FREM2: variants seen among roughly 807,000 people sequenced by gnomAD.
The protein encoded by FREM2 is FRAS1-related extracellular matrix protein 2.
FREM2 carries 119 observed loss-of-function variants against 219.9 expected under a neutral mutation model. The observed-to-expected ratio is 0.54, with a 90% CI of 0.47 to 0.63. FREM2 has a LOEUF of 0.63. Ranked by LOEUF, FREM2 falls within the 30% of genes least tolerant of loss-of-function variation. The probability of loss-of-function intolerance (pLI) is 0.00; values close to 1 mark genes in which losing one functional copy is unlikely to be tolerated. For synonymous variants in FREM2, 1,562 were observed against 1,522.8 expected, an observed-to-expected ratio of 1.03 and a Z score of -0.60; for missense variants, 4,030 against 3,993.6, an observed-to-expected ratio of 1.01 and a Z score of -0.25.
intron 2 of FREM2, among the ~76,000 whole-genome samples, chr13:38,711,890 T>C (rs1269732825): frequency 6.6e-6 from 1 of 150,892 alleles, no homozygotes; most frequent in Non-Finnish European, 1.5e-5. Context: ...GCTTATCTTG[T>C]GGGTCTCTGG....
chr13:38,830,690 A>G (rs2137888022), intron 6 of FREM2, among the ~76,000 whole-genome samples: 1 of 152,224 alleles, frequency 6.6e-6, no homozygotes. Flanking sequence ...TTCCCAACCT[A>G]CTGCACACTC....
Position 38,690,430 on chromosome 13 carries a change from C to T in FREM2, c.3086C>T (p.Ala1029Val), listed in dbSNP as rs200459256. 24 of 1,614,134 alleles carry T rather than the reference C, an allele frequency of 1.5e-5. 1 individual carries two copies. The highest frequency in any genetic ancestry group is 3.3e-4 in the Middle Eastern group (2 of 6,062). Residue 1029 changes from alanine to valine, a missense_variant, in exon 1 of 24, where the codon GCG (alanine) becomes GTG (valine). This residue lies in a region of FREM2 where 3,102 missense variants were observed against 2,950.7 expected (regional missense o/e 1.05). Transcript: ENST00000280481. The part of the protein sequence containing the change: ...TSGEIGLLPK[A>V]DSFNLSLSDM... ...GGTGAGATAGGCCTATTGCCTAAAG[C>T]GGATTCTTTTAACCTGAGTCTGTCA...
Position 38,757,883 on chromosome 13 carries a change from C to T in FREM2, c.5264-6421C>T, listed in dbSNP as rs970627939. On this transcript the variant is annotated intron_variant, in intron 2 of 23. Coordinates refer to ENST00000280481, the MANE Select transcript of FREM2 (RefSeq NM_207361.6). ...GATTACAGGCATAAGCCACCACACCCGGTCCCATTCCTCTTTCTCTACATT... is the reference window on the plus strand; with the variant it reads ...GATTACAGGCATAAGCCACCACACCTGGTCCCATTCCTCTTTCTCTACATT... 4.6e-5 allele frequency among the ~76,000 whole-genome samples: 7 copies of T among 152,252 alleles called. No homozygotes were observed. In the South Asian group the frequency reaches 1.2e-3, roughly 27 times the overall value.
At position 38,689,086 on chromosome 13, in the gene FREM2, C is replaced by T; in HGVS notation, c.1742C>T (p.Pro581Leu). ...GAGGGTGAAACAGTGCCCATCCTGC[C>T]CCTTTCCCTGAGTGCAACTGACATG... ...LAEGETVPILPLSLSATDMDS... is the reference protein window; with the variant it reads ...LAEGETVPILLLSLSATDMDS... The change falls in exon 1 of 24, where the codon CCC becomes CTC. Residue 581 changes from proline to leucine, a missense_variant. By Grantham distance (98) the Pro-to-Leu change is moderately conservative (BLOSUM62 -3). This residue lies in a region of FREM2 where 3,102 missense variants were observed against 2,950.7 expected (regional missense o/e 1.05). Transcript: ENST00000280481. 1 of 1,614,016 alleles carries T rather than the reference C, an allele frequency of 6.2e-7. No individual in the cohort carries two copies. Among genetic ancestry groups the T allele is most frequent in the East Asian group, 2.2e-5 (1 of 44,864 alleles).
rs151152504 is a variant in FREM2 at position 38,885,291 on chromosome 13, G to A, written c.*4504G>A. On this transcript the variant is annotated 3_prime_UTR_variant, in exon 24 of 24. Coordinates refer to ENST00000280481, the MANE Select transcript of FREM2 (RefSeq NM_207361.6). ...GTCTTTCTTAATTTTATTTTATTAG[G>A]AGAAAAATCAGAATATTAAATTTGC... 6.6e-6 allele frequency: 1 copy of A among 152,132 alleles called. No individual in the cohort carries two copies. The highest frequency in any genetic ancestry group is 2.4e-5 in the African/African-American group (1 of 41,528). The allele number at this position is 152,132 out of a possible 1,614,324, so 9.4% of individuals were successfully genotyped here. A position where few individuals can be genotyped will look rare whatever the true frequency, so the allele number is the denominator to read the frequency against.
intron 6 of FREM2, among the ~76,000 whole-genome samples, chr13:38,835,538 T>C (rs1339819937): frequency 6.6e-6 from 1 of 152,268 alleles, no homozygotes; most frequent in Non-Finnish European, 1.5e-5. Flanking sequence ...CTTTGGGCAG[T>C]ATGCCCATTT....
chr13:38,723,786 G>A (rs1205250431), intron 2 of FREM2, among the ~76,000 whole-genome samples: 1 of 152,132 alleles, frequency 6.6e-6, no homozygotes, highest in Non-Finnish European at 1.5e-5. Flanking sequence ...TCCTGTAGAG[G>A]TGGAATCTAG....
At chr13:38,856,402 T>A (rs943688678) in intron 12 of FREM2, 146 bp downstream of exon 12, 1 of 722,630 alleles carries the variant, frequency 1.4e-6, no homozygotes, top group African/African-American at 1.8e-5. Flanking sequence ...TTTTACCACC[T>A]AAATGTGTTT....
intron 2 of FREM2, among the ~76,000 whole-genome samples, chr13:38,710,115 C>A (rs939795841): frequency 1.3e-5 from 2 of 151,566 alleles, no homozygotes; most frequent in African/African-American, 4.9e-5. Context: ...ACCCAGGAGG[C>A]AGAAGTTGCA....
In FREM2 at chr13:38,691,135, T is replaced by C; in HGVS notation, c.3791T>C (p.Ile1264Thr). ...LDQIIESSSI[I>T]YEHDDSETQE... Reference sequence around the variant, plus strand: ...CAGATCATAGAGAGTTCCAGCATTATTTATGAGCATGATGACTCCGAGACC... The same window carrying C: ...CAGATCATAGAGAGTTCCAGCATTACTTATGAGCATGATGACTCCGAGACC... The change falls in exon 1 of 24, where the codon ATT (isoleucine) becomes ACT (threonine). Residue 1264 changes from isoleucine (I) to threonine (T), a missense_variant. This residue lies in a region of FREM2 where 3,102 missense variants were observed against 2,950.7 expected (regional missense o/e 1.05). Coordinates refer to ENST00000280481, the MANE Select transcript of FREM2 (RefSeq NM_207361.6). 1 of 1,614,098 alleles carries C rather than the reference T, an allele frequency of 6.2e-7. No individual in the cohort carries two copies. The highest frequency in any genetic ancestry group is 8.5e-7 in the Non-Finnish European group (1 of 1,180,024).
In FREM2 at chr13:38,690,206, A is replaced by G; in HGVS notation, c.2862A>G (p.Leu954=). The G allele has an allele frequency of 6.2e-7, 1 of 1,614,148 alleles. No individual in the cohort carries two copies. Residue 954 remains leucine, a synonymous_variant, in exon 1 of 24, where the codon CTA becomes CTG. Transcript: ENST00000280481. ...CTACTGGCACTCTGGAGTCCTATCT[A>G]GATGTCTTAGAAAATGGGGCTACTG... ...SHPTGTLESY[L]DVLENGATEI... is the part of the protein sequence containing the mutation.
At chr13:38,775,503 G>A (rs1873838052) in intron 4 of FREM2, among the ~76,000 whole-genome samples, 1 of 152,166 alleles carries the variant, frequency 6.6e-6, no homozygotes, top group Non-Finnish European at 1.5e-5. Flanking sequence ...CTGAGTAGTG[G>A]ATAAGCAAAA....
chr13:38,712,526 C>G (rs902836838), intron 2 of FREM2, among the ~76,000 whole-genome samples: 1 of 152,070 alleles, frequency 6.6e-6, no homozygotes, highest in African/African-American at 2.4e-5. Flanking sequence ...ATATAGAAAG[C>G]ATTTTGTACC....
At chr13:38,705,351 A>G (rs1394120366) in intron 2 of FREM2, among the ~76,000 whole-genome samples, 1 of 152,198 alleles carries the variant, frequency 6.6e-6, no homozygotes, top group East Asian at 1.9e-4. Context: ...TGGAGATGAA[A>G]TAGACTAGAG....
intron 6 of FREM2, among the ~76,000 whole-genome samples, chr13:38,799,008 CT>C (rs1327693252): frequency 1.3e-5 from 2 of 151,624 alleles, no homozygotes; most frequent in East Asian, 1.9e-4. Flanking sequence ...TATTTCTTTC[CT>C]TTTGCTAATT....
intron 2 of FREM2, among the ~76,000 whole-genome samples, chr13:38,731,100 C>G (rs1490029889): frequency 6.6e-6 from 1 of 152,142 alleles, no homozygotes; most frequent in African/African-American, 2.4e-5. Flanking sequence ...TAACAGTGCT[C>G]CATTCCAAAT....
At chr13:38,709,300 G>T (rs905790859) in intron 2 of FREM2, among the ~76,000 whole-genome samples, 1 of 152,026 alleles carries the variant, frequency 6.6e-6, no homozygotes, top group Admixed American at 6.6e-5. Flanking sequence ...AGACATCTCC[G>T]CTGTGTTTCC....
In FREM2 at chr13:38,848,533, T is replaced by C; in HGVS notation, c.6242T>C (p.Val2081Ala). 6.2e-7 allele frequency: 1 copy of C among 1,614,142 alleles called. No individual in the cohort carries two copies. Among genetic ancestry groups the C allele is most frequent in the South Asian group, 1.1e-5 (1 of 91,084 alleles). The change falls in exon 8 of 24, where the codon GTT becomes GCT. Residue 2081 changes from valine to alanine, a missense_variant. Coordinates refer to ENST00000280481, the MANE Select transcript of FREM2 (RefSeq NM_207361.6). ...GGAGTCAACATGCAGCCTGTTCGTG[T>C]TGTCATTCTGGATGACCTTGGACAA... is the stretch of plus-strand genomic sequence containing the variant. ...APGVNMQPVRVVILDDLGQPA... is the reference protein window; with the variant it reads ...APGVNMQPVRAVILDDLGQPA...
intron 2 of FREM2, 102 bp downstream of exon 2, chr13:38,697,889 A>T: frequency 1.3e-6 from 1 of 743,962 alleles, no homozygotes. Flanking sequence ...GTAATATTTC[A>T]TGATCACCTA....
Sources: gnomAD v4.1 joint callset for allele counts (sites outside exome capture counted in the v4.1 genomes callset) on GRCh38, gnomAD v4.1.1 for gene constraint, gnomAD v4.1.1 regional missense constraint, MANE v1.5 for transcripts, NCBI Gene and HGNC (gene_info 2026-07-23, HGNC 2026-07-21) for gene names.